The following KCNN3 variants were observed in gnomAD, a reference collection of about 807,000 sequenced individuals.
KCNN3 encodes small conductance calcium-activated potassium channel protein 3.
In KCNN3, 16 loss-of-function variants were observed where a neutral mutation model predicts 62.9. That is an observed-to-expected ratio of 0.25 (90% CI 0.17 to 0.39). The LOEUF (loss-of-function observed/expected upper bound fraction) is 0.39, where lower values mean the gene tolerates loss of function less well. Ranked by LOEUF, KCNN3 falls within the 10% of genes least tolerant of loss-of-function variation. The pLI is 1.00. For synonymous variants in KCNN3, 370 were observed against 389.2 expected (o/e 0.95, Z 0.58); for missense variants, 599 against 949.4 (o/e 0.63, Z 4.85).
chr1:154,859,877 A>G, intron 1 of KCNN3: 1 of 1,516,586 alleles, frequency 6.6e-7, no homozygotes, highest in Non-Finnish European at 8.9e-7. Context: ...CCTGTCCTTT[A>G]AGAAAAATGC....
At chr1:154,726,183 G>A (rs1227616409) in intron 4 of KCNN3, among the ~76,000 whole-genome samples, 157 bp from the exon 5 acceptor site, 1 of 152,222 alleles carries the variant, frequency 6.6e-6, no homozygotes, top group Non-Finnish European at 1.5e-5. Flanking sequence ...ACAAAAATCT[G>A]TTGAAATCTG....
intron 2 of KCNN3, among the ~76,000 whole-genome samples, chr1:154,795,107 G>A (rs544647197): frequency 5.9e-5 from 9 of 152,118 alleles, no homozygotes; most frequent in South Asian, 2.1e-4. Flanking sequence ...TCTCTGAAAC[G>A]AGTCCTGTGA....
At position 154,708,284 on chromosome 1, in the gene KCNN3, G is replaced by C. The variant is rs1700003661; in HGVS notation, c.1900-12C>G. The C allele has an allele frequency of 1.2e-6, 2 of 1,612,558 alleles. No homozygotes were observed. Among genetic ancestry groups the C allele is most frequent in the East Asian group, 2.2e-5 (1 of 44,884 alleles). On this transcript the variant is annotated splice_polypyrimidine_tract_variant and intron_variant, in intron 7 of 7. Coordinates refer to ENST00000271915, the MANE Select transcript of KCNN3 (RefSeq NM_002249.6). ...ATGACATTCTGCATCTGTGTGGAGAGAGAGAGGCGAGAGACAGGGAGATGA... is the reference window on the plus strand; with the variant it reads ...ATGACATTCTGCATCTGTGTGGAGACAGAGAGGCGAGAGACAGGGAGATGA...
chr1:154,769,407 G>T (rs566456209), intron 3 of KCNN3, among the ~76,000 whole-genome samples: 1 of 152,148 alleles, frequency 6.6e-6, no homozygotes, highest in Non-Finnish European at 1.5e-5. Context: ...GGTCTTAGCG[G>T]GGGCTTGTGA....
rs5777927 is a variant in KCNN3 at position 154,707,425 on chromosome 1, CTTTTTTTT to C, written c.*543_*550del. On this transcript the variant is annotated 3_prime_UTR_variant, in exon 8 of 8. Transcript: ENST00000271915. ...AATCTGGCTTTTTATTTGTCTGTGTCTTTTTTTTTTTTTTTCAGTCTGATTCGAGTATA... is the reference window on the plus strand; with the variant it reads ...AATCTGGCTTTTTATTTGTCTGTGTCTTTTTTTCAGTCTGATTCGAGTATA... 7.2e-6 allele frequency: 1 copy of C among 137,984 alleles called. No individual in the cohort carries two copies. The highest frequency in any genetic ancestry group is 1.5e-5 in the Non-Finnish European group (1 of 64,858). The allele number at this position is 137,984 out of a possible 1,614,324, so 8.5% of individuals were successfully genotyped here. A position where few individuals can be genotyped will look rare whatever the true frequency, so the allele number is the denominator to read the frequency against.
At chr1:154,848,574 G>A (rs1403512215) in intron 1 of KCNN3, among the ~76,000 whole-genome samples, 3 of 152,070 alleles carry the variant, frequency 2.0e-5, no homozygotes, top group Admixed American at 1.3e-4. Flanking sequence ...AGCTTCACGG[G>A]CAGGGGGCTC....
intron 1 of KCNN3, among the ~76,000 whole-genome samples, chr1:154,827,898 G>A (rs1461117754): frequency 6.6e-6 from 1 of 152,108 alleles, no homozygotes; most frequent in Non-Finnish European, 1.5e-5. Flanking sequence ...GCTCCTACCA[G>A]AAGTCAGCTA....
chr1:154,803,782 G>C (rs760898604), intron 2 of KCNN3, among the ~76,000 whole-genome samples: 1 of 152,210 alleles, frequency 6.6e-6, no homozygotes, highest in African/African-American at 2.4e-5. Context: ...ATCTGAGCGA[G>C]AGATGTGTGA....
intron 1 of KCNN3, among the ~76,000 whole-genome samples, chr1:154,844,233 C>T (rs1438480496): frequency 1.3e-5 from 2 of 152,184 alleles, no homozygotes; most frequent in East Asian, 3.8e-4. Context: ...ATTATTAGTA[C>T]GCGTTCTTGT....
chr1:154,764,548 TA>T (rs976828216), intron 3 of KCNN3, among the ~76,000 whole-genome samples: 3 of 152,092 alleles, frequency 2.0e-5, no homozygotes, highest in South Asian at 2.1e-4. Flanking sequence ...CTTTAGGTTT[TA>T]AAAAAAATAT....
At chr1:154,847,020 G>A (rs1253130868) in intron 1 of KCNN3, among the ~76,000 whole-genome samples, 4 of 151,958 alleles carry the variant, frequency 2.6e-5, no homozygotes, top group East Asian at 3.9e-4. Context: ...GAGTTGAGCC[G>A]GCTCCGCCTG....
At chr1:154,710,027 T>C (rs889462657) in intron 7 of KCNN3, among the ~76,000 whole-genome samples, 4 of 152,240 alleles carry the variant, frequency 2.6e-5, no homozygotes, top group Admixed American at 2.0e-4. Context: ...TTCACAGATA[T>C]CATCTTATTC....
chr1:154,818,744 A>G (rs962892391), intron 2 of KCNN3, among the ~76,000 whole-genome samples: 1 of 152,220 alleles, frequency 6.6e-6, no homozygotes, highest in African/African-American at 2.4e-5. Context: ...TGAGAAATAC[A>G]TTTATGTTCC....
chr1:154,764,635 G>C (rs1435723094), intron 3 of KCNN3, among the ~76,000 whole-genome samples: 1 of 152,182 alleles, frequency 6.6e-6, no homozygotes, highest in Non-Finnish European at 1.5e-5. Context: ...CATCTGGCAT[G>C]CTTTTACTAA....
At position 154,762,979 on chromosome 1, in the gene KCNN3, C is replaced by T. The variant is rs1297549088; in HGVS notation, c.1448+8996G>A. Among the ~76,000 whole-genome samples, 6 of 152,146 alleles carry T rather than the reference C, an allele frequency of 3.9e-5. No homozygotes were observed. In the East Asian group the frequency reaches 1.2e-3, roughly 29 times the overall value. On this transcript the variant is annotated intron_variant, in intron 3 of 7. Transcript: ENST00000271915. Reference sequence around the variant, plus strand: ...TAGTAGGGTTTATTTCAGTGTTTTCCATTAGGTTTCATTGATCTGTCATTA... The same window carrying T: ...TAGTAGGGTTTATTTCAGTGTTTTCTATTAGGTTTCATTGATCTGTCATTA...
intron 3 of KCNN3, among the ~76,000 whole-genome samples, chr1:154,766,692 T>C (rs1445736074): frequency 4.0e-5 from 6 of 149,040 alleles, no homozygotes; most frequent in African/African-American, 1.5e-4. Context: ...TTGTTTTTTT[T>C]TTTTTGAGAT....
At chr1:154,779,259 T>A (rs114271512) in intron 2 of KCNN3, among the ~76,000 whole-genome samples, 2,126 of 152,320 alleles carry the variant, frequency 0.014, 47 homozygotes, top group African/African-American at 0.049. Context: ...AACTAATATA[T>A]AACAAAACTA....
chr1:154,780,194 CT>C lies in KCNN3; in HGVS notation c.1030-7802del, dbSNP rs71077969. Among the ~76,000 whole-genome samples the C allele has an allele frequency of 3.0e-3, 310 of 102,054 alleles. 1 individual carries two copies. Among genetic ancestry groups the C allele is most frequent in the African/African-American group, 7.7e-3 (196 of 25,470 alleles). The allele number at this position is 102,054 out of a possible 152,430, so 67.0% of individuals were successfully genotyped here. Reference sequence around the variant, plus strand: ...GGAAGCTTGCCTTTTTTCTTTTTTTCTTTTTTTTTTTTTTTTTTTTTTTTTA... The same window carrying C: ...GGAAGCTTGCCTTTTTTCTTTTTTTCTTTTTTTTTTTTTTTTTTTTTTTTA... On this transcript the variant is annotated intron_variant, in intron 2 of 7. Coordinates refer to ENST00000271915, the MANE Select transcript of KCNN3 (RefSeq NM_002249.6).
At chr1:154,786,884 T>A (rs1649306927) in intron 2 of KCNN3, among the ~76,000 whole-genome samples, 1 of 152,258 alleles carries the variant, frequency 6.6e-6, no homozygotes, top group African/African-American at 2.4e-5. Flanking sequence ...TGGCGCCTAA[T>A]GGTGATGTTT....
Sources: allele counts gnomAD v4.1 joint callset (sites outside exome capture counted in the v4.1 genomes callset), GRCh38; gene constraint gnomAD v4.1.1; transcripts MANE v1.5; gene names NCBI Gene and HGNC (gene_info 2026-07-23, HGNC 2026-07-21).